CCDC62: variants seen among roughly 807,000 people sequenced by gnomAD.
The protein encoded by CCDC62 is coiled-coil domain containing 62, also known as coiled-coil domain-containing protein 62.
Under a neutral mutation model 80.8 loss-of-function variants are expected in CCDC62, and 72 were observed. That is an observed-to-expected ratio of 0.89 (90% CI 0.74 to 1.08). The LOEUF is 1.08. Among genes scored for constraint, CCDC62 ranks in the 50% least tolerant of loss-of-function variants. CCDC62 has a pLI of 0.00. For synonymous variants in CCDC62, 286 were observed against 296.5 expected, an observed-to-expected ratio of 0.96 and a Z score of 0.36; for missense variants, 704 against 809.4, an observed-to-expected ratio of 0.87 and a Z score of 1.58.
rs1196070136 is a variant in CCDC62, at chr12:122,799,613, C to T, written c.977+1413C>T. On this transcript the variant is annotated intron_variant, in intron 8 of 12. Transcript: ENST00000253079. Reference sequence around the variant, plus strand: ...GTGGTTTAATTTAACAGGCATATAACTGTACCACAGCTCAACTTAGTCTAC... The same window carrying T: ...GTGGTTTAATTTAACAGGCATATAATTGTACCACAGCTCAACTTAGTCTAC... Among the ~76,000 whole-genome samples the T allele has an allele frequency of 2.0e-5, 3 of 152,210 alleles. No homozygotes were observed. The East Asian group carries it at 5.8e-4, about 29-fold the overall frequency.
At chr12:122,823,586 C>T (rs1336851419) in intron 12 of CCDC62, 127 bp downstream of exon 12, 1 of 551,454 alleles carries the variant, frequency 1.8e-6, no homozygotes, top group Non-Finnish European at 3.3e-6. Flanking sequence ...TTTTGCTCGA[C>T]CAATTTATGC....
At position 122,783,594 on chromosome 12, in the gene CCDC62, G is replaced by A. The variant is rs144450630; in HGVS notation, c.397-2125G>A. On this transcript the variant is annotated intron_variant, in intron 3 of 12. Transcript: ENST00000253079. ...ATATAATGAGTCTTTATTCATAATAGTATAGATTTTTATTTTATGGTTTTT... is the reference window on the plus strand; with the variant it reads ...ATATAATGAGTCTTTATTCATAATAATATAGATTTTTATTTTATGGTTTTT... 3.3e-3 allele frequency among the ~76,000 whole-genome samples: 507 copies of A among 152,090 alleles called. 4 individuals are homozygous for A. The highest frequency in any genetic ancestry group is 0.011 in the African/African-American group (475 of 41,464).
intron 6 of CCDC62, among the ~76,000 whole-genome samples, chr12:122,795,225 T>C (rs902548427): frequency 1.3e-5 from 2 of 151,628 alleles, no homozygotes; most frequent in African/African-American, 4.8e-5. Flanking sequence ...TAATTTTTTG[T>C]ACTTTAGTAG....
At chr12:122,792,201 G>GT (rs2030664982) in intron 6 of CCDC62, 80 bp downstream of exon 6, 37 of 715,488 alleles carry the variant, frequency 5.2e-5, no homozygotes, top group South Asian at 8.4e-5. Flanking sequence ...CTCCCAAAAT[G>GT]GTTTTTTTTT....
intron 8 of CCDC62, among the ~76,000 whole-genome samples, chr12:122,799,882 T>C (rs11610441): frequency 2.3e-3 from 356 of 152,332 alleles, no homozygotes; most frequent in Middle Eastern, 0.01. Context: ...TGGGGCCCTC[T>C]GCGAGGGGTT....
chr12:122,807,297 C>T (rs903228798), intron 10 of CCDC62, among the ~76,000 whole-genome samples: 2 of 152,000 alleles, frequency 1.3e-5, no homozygotes, highest in African/African-American at 4.8e-5. Flanking sequence ...TTTGGAAGGC[C>T]GGGGTGGGCA....
At chr12:122,786,251 C>A (rs7967318) in intron 4 of CCDC62, among the ~76,000 whole-genome samples, 1 of 151,944 alleles carries the variant, frequency 6.6e-6, no homozygotes, top group Non-Finnish European at 1.5e-5. Context: ...AGGTTCACGC[C>A]ATTCTCCTGC....
chr12:122,813,506 C>A, intron 11 of CCDC62, 87 bp downstream of exon 11: 1 of 1,305,974 alleles, frequency 7.7e-7, no homozygotes, highest in Non-Finnish European at 1.0e-6. Flanking sequence ...GGCAGGGCGG[C>A]CTTTCTGTTA....
In CCDC62 at chr12:122,812,783, GAAAGAAAGAAAGAAAGAA is replaced by G. The variant is rs1566086682; in HGVS notation, c.1852-485_1852-468del. On this transcript the variant is annotated intron_variant, in intron 10 of 12. Coordinates refer to ENST00000253079, the MANE Select transcript of CCDC62 (RefSeq NM_201435.5). ...AGAGAGAGAGAGAGAGAGAGAGAAA[GAAAGAAAGAAAGAAAGAA>G]AGAAAGAAAGAAAGAAAGAAAGAAA... is the stretch of plus-strand genomic sequence containing the variant. 4.1e-3 allele frequency among the ~76,000 whole-genome samples: 454 copies of G among 111,938 alleles called. 7 individuals carry two copies. The highest frequency in any genetic ancestry group is 0.019 in the African/African-American group (424 of 22,880). The allele number at this position is 111,938 out of a possible 152,430, so 73.4% of individuals were successfully genotyped here. A position where few individuals can be genotyped will look rare whatever the true frequency, so the allele number is the denominator to read the frequency against.
chr12:122,782,492 C>T (rs1309046062), intron 3 of CCDC62, among the ~76,000 whole-genome samples: 1 of 152,116 alleles, frequency 6.6e-6, no homozygotes, highest in Non-Finnish European at 1.5e-5. Flanking sequence ...GAGTTTCACT[C>T]TTGTTGCCCA....
chr12:122,813,447 A>G, intron 11 of CCDC62, 28 bp downstream of exon 11: 2 of 1,599,618 alleles, frequency 1.3e-6, no homozygotes, highest in Non-Finnish European at 1.7e-6. Flanking sequence ...TCTTGACTAT[A>G]TTTGTCACAT....
intron 2 of CCDC62, among the ~76,000 whole-genome samples, chr12:122,779,382 G>T (rs531170190): frequency 1.3e-5 from 2 of 152,120 alleles, no homozygotes; most frequent in South Asian, 4.1e-4. Context: ...AGCTGAAGGT[G>T]TGCATATCCT....
At chr12:122,788,631 A>G (rs2030412187) in intron 4 of CCDC62, 127 bp from the exon 5 acceptor site, 1 of 612,838 alleles carries the variant, frequency 1.6e-6, no homozygotes, top group African/African-American at 1.9e-5. Flanking sequence ...TAAAGATTAA[A>G]TGAATTCATA....
chr12:122,806,239 A>G lies in CCDC62; in HGVS notation c.1795A>G (p.Lys599Glu). 6.2e-7 allele frequency: 1 copy of G among 1,613,880 alleles called. No individual in the cohort carries two copies. Among genetic ancestry groups the G allele is most frequent in the Admixed American group, 1.7e-5 (1 of 59,970 alleles). Residue 599 changes from lysine to glutamate, a missense_variant, in exon 10 of 13, where the codon AAG (lysine) becomes GAG (glutamate). Coordinates refer to ENST00000253079, the MANE Select transcript of CCDC62 (RefSeq NM_201435.5). ...EDETESSSNK[K>E]NSPTSLLIYK... Reference sequence around the variant, plus strand: ...TGAGACGGAGTCCTCTTCCAATAAAAAGAACTCACCTACGAGTTTGTTAAT... The same window carrying G: ...TGAGACGGAGTCCTCTTCCAATAAAGAGAACTCACCTACGAGTTTGTTAAT...
intron 12 of CCDC62, among the ~76,000 whole-genome samples, chr12:122,825,227 G>A (rs963750606): frequency 1.9e-4 from 29 of 151,896 alleles, no homozygotes; most frequent in African/African-American, 7.0e-4. Flanking sequence ...CCAGGCTGGA[G>A]TGCAGTGGTG....
intron 9 of CCDC62, among the ~76,000 whole-genome samples, chr12:122,802,392 C>T (rs146005034): frequency 9.2e-4 from 137 of 148,972 alleles, no homozygotes; most frequent in African/African-American, 3.2e-3. Context: ...GGCAATATAA[C>T]GAGACCCTAT....
Position 122,801,112 on chromosome 12 carries a change from A to T in CCDC62, c.978-12A>T, listed in dbSNP as rs1352197889. ...TCTTATAACCTCCATTTTTTTTCTA[A>T]TGCCACCATAGCAGAGACATGTGTT... On this transcript the variant is annotated splice_polypyrimidine_tract_variant and intron_variant, in intron 8 of 12. Coordinates refer to ENST00000253079, the MANE Select transcript of CCDC62 (RefSeq NM_201435.5). The T allele has an allele frequency of 1.9e-6, 3 of 1,583,786 alleles. No homozygotes were observed. In the Admixed American group the frequency reaches 5.8e-5, roughly 31 times the overall value.
chr12:122,818,602 A>G (rs369351838), intron 11 of CCDC62, among the ~76,000 whole-genome samples: 1 of 152,064 alleles, frequency 6.6e-6, no homozygotes, highest in Non-Finnish European at 1.5e-5. Flanking sequence ...AGCTTGGGCC[A>G]TAGAGTGGGA....
intron 12 of CCDC62, among the ~76,000 whole-genome samples, chr12:122,824,645 C>T (rs921937153): frequency 4.6e-5 from 7 of 152,112 alleles, no homozygotes; most frequent in African/African-American, 1.7e-4. Flanking sequence ...CCGATTTGAT[C>T]CAATAATCCC....
Sources: gnomAD v4.1 joint callset for allele counts (sites outside exome capture counted in the v4.1 genomes callset) on GRCh38, gnomAD v4.1.1 for gene constraint, MANE v1.5 for transcripts, NCBI Gene and HGNC (gene_info 2026-07-23, HGNC 2026-07-21) for gene names.